TCERG1L: variants seen among roughly 807,000 people sequenced by gnomAD.
The protein encoded by TCERG1L is transcription elongation regulator 1-like protein.
A neutral mutation model predicts 56.3 loss-of-function variants in TCERG1L; 37 were observed. The observed-to-expected ratio is 0.66, with a 90% confidence interval of 0.51 to 0.87. The LOEUF is 0.87. Ranked by LOEUF, TCERG1L falls within the 40% of genes least tolerant of loss-of-function variation. The pLI is 0.00. For missense variants in TCERG1L, 799 were observed against 774.2 expected, an observed-to-expected ratio of 1.03 and a Z score of -0.38; for synonymous variants, 324 against 326.3, an observed-to-expected ratio of 0.99 and a Z score of 0.08.
At chr10:131,224,226 G>C (rs540586679) in intron 4 of TCERG1L, among the ~76,000 whole-genome samples, 2 of 152,030 alleles carry the variant, frequency 1.3e-5, no homozygotes, top group Non-Finnish European at 2.9e-5. Context: ...CCAAGCCTCG[G>C]ATGATGCCCC....
At chr10:131,298,194 A>G (rs1029676113) in intron 3 of TCERG1L, among the ~76,000 whole-genome samples, 3 of 150,638 alleles carry the variant, frequency 2.0e-5, no homozygotes, top group African/African-American at 7.3e-5. Flanking sequence ...ATGTCCATCT[A>G]AGCTATGTCC....
rs1245063563 is a variant in TCERG1L at position 131,291,449 on chromosome 10, C to T, written c.670+16762G>A. 1.9e-4 allele frequency among the ~76,000 whole-genome samples: 9 copies of T among 46,634 alleles called. No individual in the cohort carries two copies. In the Admixed American group the frequency reaches 2.0e-3, roughly 10 times the overall value. The allele number at this position is 46,634 out of a possible 152,430, so 30.6% of individuals were successfully genotyped here. ...TTTTTTTTTTTTTTTTTTTTTGAGA[C>T]GGAGTCTCGCTGTGTCTCCCAGGTT... On this transcript the variant is annotated intron_variant, in intron 3 of 11. Transcript: ENST00000368642.
chr10:131,309,806 G>C (rs1182620954), intron 1 of TCERG1L, among the ~76,000 whole-genome samples: 2 of 114,698 alleles, frequency 1.7e-5, no homozygotes, highest in African/African-American at 6.5e-5. Context: ...ACCAATACAA[G>C]GTTCACCAAT....
intron 8 of TCERG1L, among the ~76,000 whole-genome samples, chr10:131,119,277 G>A (rs1435210356): frequency 6.6e-6 from 1 of 152,150 alleles, no homozygotes; most frequent in Non-Finnish European, 1.5e-5. Context: ...CTGTAATATG[G>A]ATTAATCCCA....
At position 131,113,322 on chromosome 10, in the gene TCERG1L, C is replaced by G. The variant is rs533710955; in HGVS notation, c.1395+3477G>C. Among the ~76,000 whole-genome samples the G allele has an allele frequency of 1.3e-4, 19 of 142,546 alleles. 4 individuals carry two copies. Among genetic ancestry groups the G allele is most frequent in the Admixed American group, 1.2e-3 (18 of 14,476 alleles). The allele number at this position is 142,546 out of a possible 152,430, so 93.5% of individuals were successfully genotyped here. A position where few individuals can be genotyped will look rare whatever the true frequency, so the allele number is the denominator to read the frequency against. On this transcript the variant is annotated intron_variant, in intron 9 of 11. Coordinates refer to ENST00000368642, the MANE Select transcript of TCERG1L (RefSeq NM_174937.4). ...AAGGATGCTGTCCGCACAGGCACCT[C>G]CCCTTCCCTGGTGGCCAGCCTAGCC...
intron 3 of TCERG1L, among the ~76,000 whole-genome samples, chr10:131,281,964 A>G (rs911192209): frequency 4.6e-5 from 7 of 151,840 alleles, no homozygotes; most frequent in Admixed American, 2.0e-4. Context: ...GTGAAACCCC[A>G]TCTCTACTAA....
chr10:131,252,603 C>G (rs1846124255), intron 4 of TCERG1L, among the ~76,000 whole-genome samples: 1 of 152,314 alleles, frequency 6.6e-6, no homozygotes, highest in African/African-American at 2.4e-5. Flanking sequence ...CCAGTGTGAG[C>G]TGCAGACCAG....
chr10:131,166,777 A>C lies in TCERG1L; in HGVS notation c.945+20T>G. The stretch of plus-strand genomic sequence containing the variant: ...CCAGGGTTTTGTGTCTTTAACACAC[A>C]CACGAGCCCCGAAACTGACCTTGTC... On this transcript the variant is annotated intron_variant, in intron 5 of 11. Transcript: ENST00000368642. 1 of 1,613,360 alleles carries C rather than the reference A, an allele frequency of 6.2e-7. No homozygotes were observed. Among genetic ancestry groups the C allele is most frequent in the East Asian group, 2.2e-5 (1 of 44,860 alleles).
At chr10:131,122,784 C>T (rs1247215399) in intron 8 of TCERG1L, among the ~76,000 whole-genome samples, 1 of 152,126 alleles carries the variant, frequency 6.6e-6, no homozygotes, top group Non-Finnish European at 1.5e-5. Context: ...GACTGGGGAC[C>T]CACTTGCAGC....
intron 5 of TCERG1L, among the ~76,000 whole-genome samples, chr10:131,164,480 T>A (rs925325506): frequency 1.3e-5 from 2 of 152,158 alleles, no homozygotes; most frequent in African/African-American, 4.8e-5. Context: ...TCAGGAAGTA[T>A]CACCAGAATT....
intron 9 of TCERG1L, among the ~76,000 whole-genome samples, chr10:131,106,281 AG>A (rs1273892526): frequency 1.3e-5 from 2 of 152,232 alleles, no homozygotes; most frequent in Non-Finnish European, 1.5e-5. Flanking sequence ...GTGCCGGTCT[AG>A]GAGCTAACAG....
At chr10:131,170,367 A>G (rs1846076467) in intron 4 of TCERG1L, among the ~76,000 whole-genome samples, 1 of 152,156 alleles carries the variant, frequency 6.6e-6, no homozygotes, top group Admixed American at 6.5e-5. Context: ...GAACTAGTTT[A>G]TGGAGGAAAA....
intron 4 of TCERG1L, among the ~76,000 whole-genome samples, chr10:131,198,729 T>G (rs1328422183): frequency 1.3e-5 from 2 of 152,208 alleles, no homozygotes; most frequent in Non-Finnish European, 2.9e-5. Flanking sequence ...CCTGCTCTCA[T>G]GTATCCACTA....
chr10:131,114,996 A>C lies in TCERG1L; in HGVS notation c.1395+1803T>G, dbSNP rs1308373529. Among the ~76,000 whole-genome samples, 9 of 152,346 alleles carry C rather than the reference A, an allele frequency of 5.9e-5. 1 individual carries two copies. The highest frequency in any genetic ancestry group is 1.9e-4 in the East Asian group (1 of 5,172). Reference sequence around the variant, plus strand: ...GAGGGACACAGCAGTAAGGACCGGGAAACTGCCTGCACGTGCACCTGTGGG... The same window carrying C: ...GAGGGACACAGCAGTAAGGACCGGGCAACTGCCTGCACGTGCACCTGTGGG... On this transcript the variant is annotated intron_variant, in intron 9 of 11. Transcript: ENST00000368642.
In TCERG1L at chr10:131,285,538, A is replaced by AAAAGAAAAGAAAAG. The variant is rs150741439; in HGVS notation, c.670+22672_670+22673insCTTTTCTTTTCTTT. Among the ~76,000 whole-genome samples, 126 of 37,224 alleles carry AAAAGAAAAGAAAAG rather than the reference A, an allele frequency of 3.4e-3. 9 individuals carry two copies. The highest frequency in any genetic ancestry group is 0.013 in the Middle Eastern group (1 of 80). 24.4% of individuals were successfully genotyped at this position (37,224 alleles called of 152,430 possible). ...AAAGAAAGAAAGAGAGAAAGAAAAG[A>AAAAGAAAAGAAAAG]AAAGAAAGAAAGGAAGGAAGAAAGA... On this transcript the variant is annotated intron_variant, in intron 3 of 11. Transcript: ENST00000368642.
At position 131,211,687 on chromosome 10, in the gene TCERG1L, C is replaced by T. The variant is rs145509750; in HGVS notation, c.857-44802G>A. ...ACCTTCAAACAACATAAATGCAGCA[C>T]GAAAATTGCACACATGGAGGAAAGA... On this transcript the variant is annotated intron_variant, in intron 4 of 11. Coordinates refer to ENST00000368642, the MANE Select transcript of TCERG1L (RefSeq NM_174937.4). Among the ~76,000 whole-genome samples, 431 of 152,190 alleles carry T rather than the reference C, an allele frequency of 2.8e-3. 2 individuals carry two copies. The highest frequency in any genetic ancestry group is 9.2e-3 in the African/African-American group (382 of 41,530).
chr10:131,204,151 C>G (rs990918961), intron 4 of TCERG1L, among the ~76,000 whole-genome samples: 2 of 152,350 alleles, frequency 1.3e-5, no homozygotes, highest in South Asian at 4.1e-4. Context: ...ATCTTGGAAG[C>G]CTGGTGGCTT....
At chr10:131,292,838 TTTTAA>T (rs1195719234) in intron 3 of TCERG1L, among the ~76,000 whole-genome samples, 12 of 151,066 alleles carry the variant, frequency 7.9e-5, no homozygotes, top group African/African-American at 2.7e-4. Context: ...TTTTTAATCA[TTTTAA>T]TTTATTTCTG....
intron 4 of TCERG1L, among the ~76,000 whole-genome samples, chr10:131,251,830 G>A (rs1461377090): frequency 2.0e-5 from 3 of 152,140 alleles, no homozygotes; most frequent in African/African-American, 7.2e-5. Context: ...ACAGTTCAGT[G>A]GCATTAAACA....
Sources: gnomAD v4.1 joint callset for allele counts (sites outside exome capture counted in the v4.1 genomes callset) on GRCh38, gnomAD v4.1.1 for gene constraint, MANE v1.5 for transcripts, NCBI Gene and HGNC (gene_info 2026-07-23, HGNC 2026-07-21) for gene names.